OSBPL1A: variants seen among roughly 807,000 people sequenced by gnomAD.
The protein encoded by OSBPL1A is oxysterol binding protein like 1A.
OSBPL1A carries 80 observed loss-of-function variants against 137.1 expected under a neutral mutation model. That is an observed-to-expected ratio of 0.58 (90% CI 0.49 to 0.70). The LOEUF (loss-of-function observed/expected upper bound fraction) is 0.70, where lower values mean the gene tolerates loss of function less well. Ranked by LOEUF, OSBPL1A falls within the 30% of genes least tolerant of loss-of-function variation. The probability of loss-of-function intolerance (pLI) is 0.00; values close to 1 mark genes in which losing one functional copy is unlikely to be tolerated. For missense variants in OSBPL1A, 970 were observed against 1,129.4 expected (o/e 0.86, Z 2.02); for synonymous variants, 365 against 389.7 (o/e 0.94, Z 0.75).
intron 2 of OSBPL1A, among the ~76,000 whole-genome samples, chr18:24,375,685 T>C (rs998117769): frequency 2.6e-5 from 4 of 152,160 alleles, no homozygotes; most frequent in African/African-American, 2.4e-5. Context: ...GGTACCTATT[T>C]TGTAATGCAG....
chr18:24,182,330 T>C (rs1302274241), intron 18 of OSBPL1A, among the ~76,000 whole-genome samples: 1 of 152,218 alleles, frequency 6.6e-6, no homozygotes, highest in Non-Finnish European at 1.5e-5. Context: ...TGGTGAGACC[T>C]TTACAAAATT....
chr18:24,233,074 A>G (rs2088332074), intron 16 of OSBPL1A, among the ~76,000 whole-genome samples: 1 of 152,240 alleles, frequency 6.6e-6, no homozygotes, highest in Non-Finnish European at 1.5e-5. Context: ...AACACACAGT[A>G]AGAAAAGTAA....
intron 14 of OSBPL1A, among the ~76,000 whole-genome samples, chr18:24,290,304 T>C (rs1196978705): frequency 6.6e-6 from 1 of 152,140 alleles, no homozygotes; most frequent in African/African-American, 2.4e-5. Flanking sequence ...GCAAGGCTGA[T>C]GCAACAGGCC....
chr18:24,279,119 T>C (rs1055119221), intron 15 of OSBPL1A, among the ~76,000 whole-genome samples: 4 of 152,028 alleles, frequency 2.6e-5, no homozygotes, highest in East Asian at 3.9e-4. Context: ...ACACAGCATT[T>C]AAAAATGTGT....
At chr18:24,302,248 A>G (rs28663354) in intron 14 of OSBPL1A, 1 of 150,656 alleles carries the variant, frequency 6.6e-6, no homozygotes, top group Non-Finnish European at 1.5e-5. Context: ...AAAAAAAAAA[A>G]AAAAAGTTAA....
chr18:24,212,686 G>A (rs17203129), intron 17 of OSBPL1A, among the ~76,000 whole-genome samples: 33,126 of 152,066 alleles, frequency 0.22, 3,917 homozygotes, highest in South Asian at 0.27. Flanking sequence ...AAGGTGATAA[G>A]ATGTATTCCA....
chr18:24,266,758 T>TA (rs1224903465), intron 15 of OSBPL1A, among the ~76,000 whole-genome samples: 1 of 152,008 alleles, frequency 6.6e-6, no homozygotes, highest in African/African-American at 2.4e-5. Context: ...TATTAGAGTC[T>TA]AAAAAATAAA....
rs769653061 is a variant in OSBPL1A at position 24,165,047 on chromosome 18, CCT to C, written c.2750+16_2750+17del. 8 of 1,613,562 alleles carry C rather than the reference CCT, an allele frequency of 5.0e-6. No homozygotes were observed. In the Admixed American group the frequency reaches 1.0e-4, roughly 20 times the overall value. ...CCTGCCTGAGGGCTCAGCCACACCC[CCT>C]GACTCAGGCACGCACCTCGTCTTCC... On this transcript the variant is annotated intron_variant, in intron 27 of 27. Transcript: ENST00000319481.
intron 1 of OSBPL1A, among the ~76,000 whole-genome samples, chr18:24,397,304 T>A (rs1323728100): frequency 6.6e-6 from 1 of 152,220 alleles, no homozygotes; most frequent in Non-Finnish European, 1.5e-5. Flanking sequence ...AAAAGTCACA[T>A]GGACACACGA....
chr18:24,282,256 T>TC (rs557190248), intron 14 of OSBPL1A, among the ~76,000 whole-genome samples: 17 of 152,118 alleles, frequency 1.1e-4, no homozygotes, highest in Non-Finnish European at 2.2e-4. Flanking sequence ...CTGATAGCAC[T>TC]CCTTATAAAA....
chr18:24,373,284 A>G (rs1905818389), intron 2 of OSBPL1A, among the ~76,000 whole-genome samples: 1 of 152,228 alleles, frequency 6.6e-6, no homozygotes, highest in Non-Finnish European at 1.5e-5. Flanking sequence ...GAATATTCGA[A>G]TAACTTCACA....
rs528194232 is a variant in OSBPL1A, at chr18:24,230,538, G to A, written c.1445-5340C>T. 2.6e-5 allele frequency among the ~76,000 whole-genome samples: 4 copies of A among 152,196 alleles called. No homozygotes were observed. The South Asian group carries it at 8.3e-4, about 32-fold the overall frequency. On this transcript the variant is annotated intron_variant, in intron 16 of 27. Coordinates refer to ENST00000319481, the MANE Select transcript of OSBPL1A (RefSeq NM_080597.4). ...GATGCATGGACTATATTCTGGTCTGGTTAACTCTTACCTCATTGCCAGGAA... is the reference window on the plus strand; with the variant it reads ...GATGCATGGACTATATTCTGGTCTGATTAACTCTTACCTCATTGCCAGGAA...
At chr18:24,358,118 C>CGATGAGAAACTCAGGTGTGTCCT (rs2091566347) in intron 4 of OSBPL1A, 1 of 307,766 alleles carries the variant, frequency 3.2e-6, no homozygotes, top group Non-Finnish European at 6.0e-6. Context: ...GTTTAGCATA[C>CGATGAGAAACTCAGGTGTGTCCT]GATGAGAAAC....
chr18:24,341,782 C>T (rs981761390), intron 4 of OSBPL1A, 124 bp from the exon 5 acceptor site: 77 of 570,876 alleles, frequency 1.3e-4, no homozygotes, highest in African/African-American at 1.2e-3. Context: ...GAGAATGTAT[C>T]ACGTTATGTC....
At chr18:24,334,708 T>C (rs546835893) in intron 5 of OSBPL1A, among the ~76,000 whole-genome samples, 72 of 152,332 alleles carry the variant, frequency 4.7e-4, no homozygotes, top group African/African-American at 1.7e-3. Flanking sequence ...GATAGAAAGA[T>C]GTACATGTCG....
chr18:24,249,508 GA>G (rs1369967006), intron 15 of OSBPL1A, among the ~76,000 whole-genome samples: 1 of 152,178 alleles, frequency 6.6e-6, no homozygotes, highest in Non-Finnish European at 1.5e-5. Context: ...AAAAGGTATT[GA>G]GGAGGGTCCA....
At chr18:24,176,555 G>T (rs866352021) in intron 21 of OSBPL1A, among the ~76,000 whole-genome samples, 99 of 151,430 alleles carry the variant, frequency 6.5e-4, no homozygotes, top group Admixed American at 2.5e-3. Context: ...GAATGATTTT[G>T]GATTGTATTC....
At chr18:24,232,299 T>C (rs1375904439) in intron 16 of OSBPL1A, among the ~76,000 whole-genome samples, 1 of 152,116 alleles carries the variant, frequency 6.6e-6, no homozygotes, top group Admixed American at 6.5e-5. Flanking sequence ...GCTGCAATAA[T>C]TTACTAAGGA....
At chr18:24,358,363 A>C (rs956768906) in intron 4 of OSBPL1A, 25 of 658,514 alleles carry the variant, frequency 3.8e-5, no homozygotes, top group Non-Finnish European at 5.7e-5. Context: ...CACAGCAGAA[A>C]GGCTGAGGCA....
Sources: gnomAD v4.1 joint callset for allele counts (sites outside exome capture counted in the v4.1 genomes callset) on GRCh38, gnomAD v4.1.1 for gene constraint, MANE v1.5 for transcripts, NCBI Gene and HGNC (gene_info 2026-07-23, HGNC 2026-07-21) for gene names.